Variants in SERHL2 observed in about 807,000 individuals in gnomAD.
SERHL2 encodes serine hydrolase-like protein 2.
SERHL2 carries 29 observed loss-of-function variants against 25.5 expected under a neutral mutation model. The ratio of observed to expected loss-of-function variants is 1.14; its 90% CI spans 0.85 to 1.55. The LOEUF (loss-of-function observed/expected upper bound fraction) is 1.55. Ranked by LOEUF, SERHL2 falls within the 40% of genes most tolerant of loss-of-function variation. The pLI, the probability that SERHL2 is intolerant of heterozygous loss-of-function variation, is 0.00. For missense variants in SERHL2, 240 were observed against 252.3 expected (o/e 0.95, Z 0.33); for synonymous variants, 95 against 103.5 (o/e 0.92, Z 0.50).
intron 9 of SERHL2, among the ~76,000 whole-genome samples, chr22:42,568,377 C>A (rs1221757099): frequency 6.7e-6 from 1 of 150,078 alleles, no homozygotes; most frequent in African/African-American, 2.5e-5. Context: ...TCCTCCCTAC[C>A]CACTAAGGCT....
chr22:42,562,906 G>A (rs1250718772), intron 8 of SERHL2, among the ~76,000 whole-genome samples: 1 of 152,014 alleles, frequency 6.6e-6, no homozygotes, highest in Non-Finnish European at 1.5e-5. Context: ...GTGTCAGTCT[G>A]GCCCCTGGCC....
intron 9 of SERHL2, among the ~76,000 whole-genome samples, chr22:42,570,445 C>A (rs1360440298): frequency 6.6e-6 from 1 of 151,400 alleles, no homozygotes; most frequent in African/African-American, 2.4e-5. Context: ...AACAATTGTT[C>A]TCATATTTTA....
At chr22:42,559,963 C>A (rs530199658) in intron 7 of SERHL2, among the ~76,000 whole-genome samples, 1 of 151,818 alleles carries the variant, frequency 6.6e-6, no homozygotes, top group Non-Finnish European at 1.5e-5. Context: ...AGGCACATGC[C>A]ACCATGTCCA....
chr22:42,567,710 TTTTC>T (rs980663346), intron 9 of SERHL2, among the ~76,000 whole-genome samples: 6 of 148,288 alleles, frequency 4.0e-5, no homozygotes, highest in African/African-American at 1.2e-4. Context: ...AAAGTTCGAT[TTTTC>T]TTTAATTTTA....
chr22:42,559,967 A>ACG (rs1942886533), intron 7 of SERHL2, among the ~76,000 whole-genome samples: 1 of 151,746 alleles, frequency 6.6e-6, no homozygotes, highest in Non-Finnish European at 1.5e-5. Flanking sequence ...ACATGCCACC[A>ACG]TGTCCAGCTA....
At chr22:42,559,428 A>C (rs1569274415) in intron 7 of SERHL2, among the ~76,000 whole-genome samples, 1 of 151,038 alleles carries the variant, frequency 6.6e-6, no homozygotes, top group South Asian at 2.1e-4. Context: ...AGGTCCAGGC[A>C]CGGTGGCTCA....
chr22:42,573,849 G>A lies in SERHL2; in HGVS notation c.826-87G>A, dbSNP rs912201265. 3.8e-6 allele frequency: 5 copies of A among 1,306,196 alleles called. No individual in the cohort carries two copies. In the Admixed American group the frequency reaches 6.0e-5, roughly 16 times the overall value. The allele number at this position is 1,306,196 out of a possible 1,614,324, so 80.9% of individuals were successfully genotyped here. On this transcript the variant is annotated intron_variant, in intron 11 of 11. Coordinates refer to ENST00000327678, the MANE Select transcript of SERHL2 (RefSeq NM_014509.5). ...CTCCTGACCTGCAGGGAGCTGGAATGCTGTGGGAGGGCCCTGACCCCGGGG... is the reference window on the plus strand; with the variant it reads ...CTCCTGACCTGCAGGGAGCTGGAATACTGTGGGAGGGCCCTGACCCCGGGG...
chr22:42,554,038 A>C lies in SERHL2; in HGVS notation c.18A>C (p.Ala6=). The C allele has an allele frequency of 6.2e-7, 1 of 1,613,564 alleles. No individual in the cohort carries two copies. Among genetic ancestry groups the C allele is most frequent in the African/African-American group, 1.3e-5 (1 of 75,030 alleles). The change falls in exon 1 of 12, where the codon GCA becomes GCC. Residue 6 remains alanine, a synonymous_variant. Transcript: ENST00000327678. The stretch of plus-strand genomic sequence containing the variant: ...CGAGAGCGATGAGTGAGAACGCCGC[A>C]CCAGGTCTGACGGGGAGGCCTTGTG... MSENA[A]PGLISELKLA...
At chr22:42,561,848 G>A (rs541293919) in intron 8 of SERHL2, among the ~76,000 whole-genome samples, 70 of 151,912 alleles carry the variant, frequency 4.6e-4, no homozygotes, top group African/African-American at 1.6e-3. Context: ...GGGGAGGGGA[G>A]GTCAAGGACC....
At chr22:42,560,532 G>A (rs957639561) in intron 8 of SERHL2, among the ~76,000 whole-genome samples, 1 of 151,858 alleles carries the variant, frequency 6.6e-6, no homozygotes, top group Non-Finnish European at 1.5e-5. Flanking sequence ...TGGACTAAAT[G>A]TTGGTGAATG....
chr22:42,566,217 G>C, intron 8 of SERHL2, 87 bp from the exon 9 acceptor site: 1 of 1,362,880 alleles, frequency 7.3e-7, no homozygotes, highest in South Asian at 1.2e-5. Context: ...GGCTGCAAAG[G>C]CCTGGAGGGT....
At chr22:42,554,465 G>A (rs991090345) in intron 1 of SERHL2, among the ~76,000 whole-genome samples, 9 of 152,204 alleles carry the variant, frequency 5.9e-5, no homozygotes, top group African/African-American at 2.2e-4. Flanking sequence ...TCTGTGGAGG[G>A]AGAGTGACAG....
chr22:42,571,593 T>C (rs1924201257), intron 10 of SERHL2: 3 of 458,562 alleles, frequency 6.5e-6, no homozygotes, highest in Admixed American at 4.9e-5. Context: ...GCCTGGCTTA[T>C]TTTTGTATTT....
intron 7 of SERHL2, among the ~76,000 whole-genome samples, chr22:42,559,870 G>C (rs1922458206): frequency 6.6e-6 from 1 of 151,918 alleles, no homozygotes; most frequent in Non-Finnish European, 1.5e-5. Flanking sequence ...AGAGTGCAGT[G>C]GCACAATCTC....
At position 42,554,105 on chromosome 22, in the gene SERHL2, G is replaced by A. The variant is rs567377646; in HGVS notation, c.22+63G>A. The A allele has an allele frequency of 2.5e-6, 4 of 1,588,200 alleles. No homozygotes were observed. The South Asian group carries it at 3.4e-5, about 13-fold the overall frequency. ...CACCCACCTGGTTGGGACAGTAGAA[G>A]AGGGCGGGATGGAGTGGAGGGTTCG... is the stretch of plus-strand genomic sequence containing the variant. On this transcript the variant is annotated intron_variant, in intron 1 of 11. Transcript: ENST00000327678.
Position 42,563,203 on chromosome 22 carries a change from TTTG to T in SERHL2, c.613+2953_613+2955del, listed in dbSNP as rs1183231133. Among the ~76,000 whole-genome samples, 73 of 77,112 alleles carry T rather than the reference TTTG, an allele frequency of 9.5e-4. 1 individual carries two copies. Among genetic ancestry groups the T allele is most frequent in the East Asian group, 2.7e-3 (1 of 366 alleles). The allele number at this position is 77,112 out of a possible 152,430, so 50.6% of individuals were successfully genotyped here. ...TTTTCTTTTTTTCTTTTTTTTTTTT[TTTG>T]TTGTTGTTGTTGTTTTCAACAGGGT... On this transcript the variant is annotated intron_variant, in intron 8 of 11. Transcript: ENST00000327678.
At chr22:42,554,906 GA>G in intron 1 of SERHL2, 31 bp from the exon 2 acceptor site, 1 of 1,382,074 alleles carries the variant, frequency 7.2e-7, no homozygotes, top group Non-Finnish European at 1.0e-6. Context: ...GTGAATGAAT[GA>G]AGGAATGAAA....
At chr22:42,573,006 A>C (rs1490284428) in intron 11 of SERHL2, among the ~76,000 whole-genome samples, 1 of 151,796 alleles carries the variant, frequency 6.6e-6, no homozygotes, top group Non-Finnish European at 1.5e-5. Context: ...ACCACAGCAG[A>C]ATACCCGACT....
At chr22:42,572,366 C>T in intron 10 of SERHL2, 70 bp from the exon 11 acceptor site, 1 of 1,150,806 alleles carries the variant, frequency 8.7e-7, no homozygotes, top group Non-Finnish European at 1.3e-6. Flanking sequence ...GAACCCAGGG[C>T]AGGATGGGGG....
Sources: allele counts gnomAD v4.1 joint callset (sites outside exome capture counted in the v4.1 genomes callset), GRCh38; gene constraint gnomAD v4.1.1; transcripts MANE v1.5; gene names NCBI Gene and HGNC (gene_info 2026-07-23, HGNC 2026-07-21).